PITHD1: variants seen among roughly 807,000 people sequenced by gnomAD.
PITHD1 encodes PITH domain containing 1.
A neutral mutation model predicts 27.5 loss-of-function variants in PITHD1; 8 were observed. The observed-to-expected ratio is 0.29, with a 90% CI of 0.17 to 0.52. The LOEUF (loss-of-function observed/expected upper bound fraction) is 0.52, where lower values mean the gene tolerates loss of function less well. PITHD1 is among the 20% of genes least tolerant of loss of function. PITHD1 has a pLI of 0.96. For synonymous variants in PITHD1, 118 were observed against 106.8 expected, an observed-to-expected ratio of 1.10 and a Z score of -0.64; for missense variants, 233 against 283.9, an observed-to-expected ratio of 0.82 and a Z score of 1.29.
chr1:23,784,468 C>T (rs980821814), intron 3 of PITHD1, among the ~76,000 whole-genome samples: 21 of 152,008 alleles, frequency 1.4e-4, no homozygotes, highest in Non-Finnish European at 2.5e-4. Context: ...TCTCCATCTC[C>T]TGACCTCATG....
chr1:23,787,351 C>T lies in PITHD1; in HGVS notation c.611C>T (p.Thr204Ile), dbSNP rs909806132. Residue 204 changes from threonine to isoleucine, a missense_variant, in exon 6 of 6, where the codon ACC becomes ATC. Physicochemically the swap from Thr to Ile is moderately conservative, Grantham distance 89. Transcript: ENST00000246151. ...GCAGACCATAGGGTCCATCAGGTTA[C>T]CCCACAGACACACTTTATTTCCTAA... ...NPADHRVHQV[T>I]PQTHFIS 3.7e-6 allele frequency: 6 copies of T among 1,607,774 alleles called. No individual in the cohort carries two copies. The highest frequency in any genetic ancestry group is 5.1e-6 in the Non-Finnish European group (6 of 1,174,670).
chr1:23,781,074 G>A (rs549813110), intron 3 of PITHD1, among the ~76,000 whole-genome samples: 11 of 152,190 alleles, frequency 7.2e-5, no homozygotes, highest in African/African-American at 2.7e-4. Context: ...TGTAATCCCA[G>A]CTACTTGGGA....
In PITHD1 at chr1:23,785,584, C is replaced by A. The variant is rs186459237; in HGVS notation, c.321-91C>A. 6.2e-3 allele frequency: 4,315 copies of A among 697,586 alleles called. 27 individuals carry two copies. Among genetic ancestry groups the A allele is most frequent in the Non-Finnish European group, 7.4e-3 (2,906 of 391,468 alleles). 43.2% of individuals were successfully genotyped at this position (697,586 alleles called of 1,614,324 possible). A position where few individuals can be genotyped will look rare whatever the true frequency, so the allele number is the denominator to read the frequency against. ...CAAATTCAGTCTCCTATTGATAGAA[C>A]CAAAGCCATTTAAGCAGTCAGTAGA... On this transcript the variant is annotated intron_variant, in intron 3 of 5. Transcript: ENST00000246151.
In PITHD1 at chr1:23,778,552, C is replaced by T. The variant is rs990737831; in HGVS notation, c.37C>T (p.Arg13Cys). 3.7e-6 allele frequency: 5 copies of T among 1,340,372 alleles called. No individual in the cohort carries two copies. The highest frequency in any genetic ancestry group is 1.9e-5 in the South Asian group (1 of 52,516). 83.0% of individuals were successfully genotyped at this position (1,340,372 alleles called of 1,614,324 possible). Reference protein sequence around the residue: ...HGHSHGGGGCRCAAEREEPPE... With the variant: ...HGHSHGGGGCCCAAEREEPPE... ...TCACAGCCACGGCGGGGGTGGCTGC[C>T]GCTGCGCCGCCGAACGGGAGGAGCC... Residue 13 changes from arginine (R) to cysteine (C), a missense_variant, in exon 1 of 6, where the codon CGC becomes TGC. By Grantham distance (180) the Arg-to-Cys change is radical. Transcript: ENST00000246151.
At chr1:23,783,943 TTCAA>T (rs1359487758) in intron 3 of PITHD1, among the ~76,000 whole-genome samples, 3 of 152,228 alleles carry the variant, frequency 2.0e-5, no homozygotes. Flanking sequence ...GTAAAGTTTT[TTCAA>T]TATATGCGTT....
intron 2 of PITHD1, 61 bp from the exon 3 acceptor site, chr1:23,779,803 C>A: frequency 2.4e-6 from 3 of 1,254,536 alleles, no homozygotes; most frequent in South Asian, 2.4e-5. Flanking sequence ...TGCCCAGGGT[C>A]ACACAACTAA....
Position 23,785,797 on chromosome 1 carries a change from C to T in PITHD1, c.425+18C>T. The T allele has an allele frequency of 7.5e-7, 1 of 1,341,598 alleles. No individual in the cohort carries two copies. The highest frequency in any genetic ancestry group is 1.1e-6 in the Non-Finnish European group (1 of 931,934). 83.1% of individuals were successfully genotyped at this position (1,341,598 alleles called of 1,614,324 possible). A position where few individuals can be genotyped will look rare whatever the true frequency, so the allele number is the denominator to read the frequency against. On this transcript the variant is annotated intron_variant, in intron 4 of 5. Transcript: ENST00000246151. ...GCTACAAAGTAAGCACTGGGCCTGTCTTCCATTCTCTATGGCTTCTTATAG... is the reference window on the plus strand; with the variant it reads ...GCTACAAAGTAAGCACTGGGCCTGTTTTCCATTCTCTATGGCTTCTTATAG...
Position 23,787,472 on chromosome 1 carries a change from C to A in PITHD1, c.*96C>A. Reference sequence around the variant, plus strand: ...GGGATGAGGCTCCAGAGAGAGTTGGCTGCCACAGCCTCTGCCAAGCTTTGT... The same window carrying A: ...GGGATGAGGCTCCAGAGAGAGTTGGATGCCACAGCCTCTGCCAAGCTTTGT... On this transcript the variant is annotated 3_prime_UTR_variant, in exon 6 of 6. Transcript: ENST00000246151. 1.4e-6 allele frequency: 1 copy of A among 705,222 alleles called. No homozygotes were observed. The highest frequency in any genetic ancestry group is 2.5e-6 in the Non-Finnish European group (1 of 401,330). 43.7% of individuals were successfully genotyped at this position (705,222 alleles called of 1,614,324 possible).
rs113408337 is a variant in PITHD1, at chr1:23,779,458, T to C, written c.219T>C (p.Asp73=). The C allele has an allele frequency of 1.5e-4, 246 of 1,613,174 alleles. 1 individual carries two copies. The Middle Eastern group carries it at 2.8e-3, about 18-fold the overall frequency. ...TCCAGTTTGTTGAAAGTGATGCAGA[T>C]GAAGAGCTTCTGTTTAATATTCCGT... ...DRSKFVESDA[D]EELLFNIPFT... The change falls in exon 2 of 6, where the codon GAT becomes GAC. Residue 73 remains aspartate (D), a synonymous_variant. Transcript: ENST00000246151.
rs1300550233 is a variant in PITHD1 at position 23,786,713 on chromosome 1, C to G, written c.534+290C>G. Among the ~76,000 whole-genome samples, 5 of 151,328 alleles carry G rather than the reference C, an allele frequency of 3.3e-5. No homozygotes were observed. The South Asian group carries it at 8.3e-4, about 25-fold the overall frequency. ...CAAGTGATTCTCCTGCCTCAGCCCCCCAAGTAGCTGGGATTACAGGTGCCC... is the reference window on the plus strand; with the variant it reads ...CAAGTGATTCTCCTGCCTCAGCCCCGCAAGTAGCTGGGATTACAGGTGCCC... On this transcript the variant is annotated intron_variant, in intron 5 of 5. Transcript: ENST00000246151.
rs1402061830 is a variant in PITHD1 at position 23,780,070 on chromosome 1, T to G, written c.320+129T>G. 4 of 658,904 alleles carry G rather than the reference T, an allele frequency of 6.1e-6. No individual in the cohort carries two copies. In the African/African-American group the frequency reaches 7.3e-5, roughly 12 times the overall value. The allele number at this position is 658,904 out of a possible 1,614,324, so 40.8% of individuals were successfully genotyped here. A position where few individuals can be genotyped will look rare whatever the true frequency, so the allele number is the denominator to read the frequency against. On this transcript the variant is annotated intron_variant, in intron 3 of 5. Coordinates refer to ENST00000246151, the MANE Select transcript of PITHD1 (RefSeq NM_020362.5). ...TTCCCCTTTTAAAATATCTTGGTCCTGTTCTCATTCTGCATTGGAATACAT... is the reference window on the plus strand; with the variant it reads ...TTCCCCTTTTAAAATATCTTGGTCCGGTTCTCATTCTGCATTGGAATACAT...
chr1:23,778,525 G>T lies in PITHD1; in HGVS notation c.10G>T (p.Gly4Cys). 1 of 1,345,296 alleles carries T rather than the reference G, an allele frequency of 7.4e-7. No homozygotes were observed. Among genetic ancestry groups the T allele is most frequent in the South Asian group, 1.9e-5 (1 of 52,878 alleles). 83.3% of individuals were successfully genotyped at this position (1,345,296 alleles called of 1,614,324 possible). A position where few individuals can be genotyped will look rare whatever the true frequency, so the allele number is the denominator to read the frequency against. The change falls in exon 1 of 6, where the codon GGT becomes TGT. Residue 4 changes from glycine (G) to cysteine (C), a missense_variant. Gly to Cys is a radical substitution (Grantham distance 159). Transcript: ENST00000246151. Reference sequence around the variant, plus strand: ...AGGTGGCGGCGTTGCCATGTCGCACGGTCACAGCCACGGCGGGGGTGGCTG... The same window carrying T: ...AGGTGGCGGCGTTGCCATGTCGCACTGTCACAGCCACGGCGGGGGTGGCTG... The part of the protein sequence containing the change: MSH[G>C]HSHGGGGCRC...
Position 23,785,697 on chromosome 1 carries a change from T to C in PITHD1, c.343T>C (p.Ser115Pro). Residue 115 changes from serine (S) to proline (P), a missense_variant, in exon 4 of 6, where the codon TCC becomes CCC. Ser to Pro is a moderately conservative substitution (Grantham distance 74). Transcript: ENST00000246151. ...CAGGTACAAGAATATTCCACAGATG[T>C]CCTTTGATGATACAGAAAGGGAGCC... The part of the protein sequence containing the change: ...MRLYKNIPQM[S>P]FDDTEREPDQ... The C allele has an allele frequency of 1.2e-6, 2 of 1,603,702 alleles. No homozygotes were observed. The highest frequency in any genetic ancestry group is 1.7e-6 in the Non-Finnish European group (2 of 1,170,678).
chr1:23,786,649 T>C (rs1020322287), intron 5 of PITHD1, among the ~76,000 whole-genome samples: 1 of 148,812 alleles, frequency 6.7e-6, no homozygotes, highest in African/African-American at 2.5e-5. Flanking sequence ...AATATATATA[T>C]ATATATCTCA....
At position 23,778,641 on chromosome 1, in the gene PITHD1, C is replaced by T; in HGVS notation, c.126C>T (p.Cys42=). The change falls in exon 1 of 6, where the codon TGC becomes TGT. Residue 42 remains cysteine (C), a synonymous_variant. Transcript: ENST00000246151. ...GCATCGACCTGGAGCGGCTGCAATG[C>T]CTTAACGAGAGCCGCGAGGGCAGCG... is the stretch of plus-strand genomic sequence containing the variant. ...YLRIDLERLQ[C]LNESREGSGR... 7.5e-7 allele frequency: 1 copy of T among 1,332,140 alleles called. No individual in the cohort carries two copies. Among genetic ancestry groups the T allele is most frequent in the South Asian group, 2.1e-5 (1 of 48,744 alleles). 82.5% of individuals were successfully genotyped at this position (1,332,140 alleles called of 1,614,324 possible). A position where few individuals can be genotyped will look rare whatever the true frequency, so the allele number is the denominator to read the frequency against.
In PITHD1 at chr1:23,779,492, C is replaced by A; in HGVS notation, c.242+11C>A. On this transcript the variant is annotated intron_variant, in intron 2 of 5. Transcript: ENST00000246151. ...TCTGTTTAATATTCCGTAAGTATCT[C>A]CTTGGTGCCTACCTCAGGCTAAATA... is the stretch of plus-strand genomic sequence containing the variant. 1 of 1,604,532 alleles carries A rather than the reference C, an allele frequency of 6.2e-7. No individual in the cohort carries two copies. Among genetic ancestry groups the A allele is most frequent in the Non-Finnish European group, 8.5e-7 (1 of 1,171,254 alleles).
At chr1:23,785,365 C>T (rs1425049858) in intron 3 of PITHD1, 1 of 191,098 alleles carries the variant, frequency 5.2e-6, no homozygotes, top group East Asian at 1.3e-4. Context: ...TGGTGGCGTA[C>T]GCCTGTAGTC....
chr1:23,778,459 C>T lies in PITHD1; in HGVS notation c.-57C>T. The stretch of plus-strand genomic sequence containing the variant: ...CGGCGCGGAGCTGGTCTGAGGCGAG[C>T]CGAGCCGAGCGAGCGCGGCGGTGGG... On this transcript the variant is annotated 5_prime_UTR_variant, in exon 1 of 6. Transcript: ENST00000246151. The T allele has an allele frequency of 4.8e-6, 6 of 1,249,586 alleles. No homozygotes were observed. In the South Asian group the frequency reaches 1.1e-4, roughly 22 times the overall value. 77.4% of individuals were successfully genotyped at this position (1,249,586 alleles called of 1,614,324 possible).
At chr1:23,781,046 G>C (rs1474549796) in intron 3 of PITHD1, among the ~76,000 whole-genome samples, 1 of 151,612 alleles carries the variant, frequency 6.6e-6, no homozygotes, top group Non-Finnish European at 1.5e-5. Context: ...AAATTAGCCG[G>C]GCATGGTGGC....
Sources: gnomAD v4.1 joint callset for allele counts (sites outside exome capture counted in the v4.1 genomes callset) on GRCh38, gnomAD v4.1.1 for gene constraint, MANE v1.5 for transcripts, NCBI Gene and HGNC (gene_info 2026-07-23, HGNC 2026-07-21) for gene names.